LUC7L2: variants seen among roughly 807,000 people sequenced by gnomAD.
LUC7L2 encodes putative RNA-binding protein Luc7-like 2.
LUC7L2 carries 25 observed loss-of-function variants against 52.8 expected under a neutral mutation model. That is an observed-to-expected ratio of 0.47 (90% CI 0.34 to 0.66). The LOEUF (loss-of-function observed/expected upper bound fraction) is 0.66, where lower values mean the gene tolerates loss of function less well. LUC7L2 is among the 30% of genes least tolerant of loss of function. The pLI, the probability that LUC7L2 is intolerant of heterozygous loss-of-function variation, is 0.01. For missense variants in LUC7L2, 328 were observed against 497.8 expected, an observed-to-expected ratio of 0.66 and a Z score of 3.25; for synonymous variants, 144 against 160.9, an observed-to-expected ratio of 0.89 and a Z score of 0.80.
At chr7:139,367,046 G>A (rs1800193727) in intron 1 of LUC7L2, among the ~76,000 whole-genome samples, 1 of 152,042 alleles carries the variant, frequency 6.6e-6, no homozygotes, top group African/African-American at 2.4e-5. Context: ...GCCTGATCTT[G>A]GCTCACTGCA....
At position 139,410,133 on chromosome 7, in the gene LUC7L2, G is replaced by C. The variant is rs571712211; in HGVS notation, c.779+479G>C. 1.4e-3 allele frequency among the ~76,000 whole-genome samples: 206 copies of C among 152,098 alleles called. 1 individual carries two copies. Among genetic ancestry groups the C allele is most frequent in the African/African-American group, 4.8e-3 (199 of 41,518 alleles). On this transcript the variant is annotated intron_variant, in intron 7 of 9. Coordinates refer to ENST00000354926, the MANE Select transcript of LUC7L2 (RefSeq NM_016019.5). ...GAGGCAGGAGAATGGCGTGAACCTGGGGGGGCAGAGCCTGCAGTGAGCTGA... is the reference window on the plus strand; with the variant it reads ...GAGGCAGGAGAATGGCGTGAACCTGCGGGGGCAGAGCCTGCAGTGAGCTGA...
chr7:139,422,413 C>A lies in LUC7L2; in HGVS notation c.*73C>A. ...TACTATTGTTTAGTTCACAGCTGTT[C>A]AGGGTGACAGTGAGCAGATCCAGAC... On this transcript the variant is annotated 3_prime_UTR_variant, in exon 10 of 10. Coordinates refer to ENST00000354926, the MANE Select transcript of LUC7L2 (RefSeq NM_016019.5). The A allele has an allele frequency of 6.6e-7, 1 of 1,521,302 alleles. No individual in the cohort carries two copies. The highest frequency in any genetic ancestry group is 1.3e-5 in the South Asian group (1 of 74,380). The allele number at this position is 1,521,302 out of a possible 1,614,324, so 94.2% of individuals were successfully genotyped here.
rs568767713 is a variant in LUC7L2 at position 139,350,837 on chromosome 7, T to C, written c.-26+10320T>C. 1.2e-4 allele frequency among the ~76,000 whole-genome samples: 18 copies of C among 152,028 alleles called. No homozygotes were observed. In the South Asian group the frequency reaches 1.7e-3, roughly 14 times the overall value. ...ATTAACAGGCGCCCGCCACAACGCC[T>C]GGCTAATTTTGTATTTTTAGTAGAG... On this transcript the variant is annotated intron_variant, in intron 1 of 10. Coordinates refer to the LUC7L2 transcript ENST00000541170.
chr7:139,375,905 T>C (rs1440877518), intron 1 of LUC7L2, 157 bp from the exon 2 acceptor site: 9 of 676,704 alleles, frequency 1.3e-5, no homozygotes, highest in Non-Finnish European at 1.9e-5. Flanking sequence ...TTGTCTAAAA[T>C]AGTTTTTCTA....
intron 2 of LUC7L2, among the ~76,000 whole-genome samples, chr7:139,389,031 C>T (rs1794317662): frequency 6.7e-6 from 1 of 150,124 alleles, no homozygotes; most frequent in African/African-American, 2.5e-5. Flanking sequence ...ATTCCAGAGA[C>T]ACTTCACATT....
At position 139,359,928 on chromosome 7, in the gene LUC7L2, T is replaced by C. The variant is rs954631946; in HGVS notation, c.-334T>C. ...GTGGCGACGGTGGCGGCGAGCGGCG[T>C]CAGAGCTTGAGGGGGGGTTGACGGC... On this transcript the variant is annotated 5_prime_UTR_variant, in exon 1 of 10. Coordinates refer to ENST00000354926, the MANE Select transcript of LUC7L2 (RefSeq NM_016019.5). The C allele has an allele frequency of 2.4e-6, 1 of 413,480 alleles. No individual in the cohort carries two copies. The highest frequency in any genetic ancestry group is 7.5e-5 in the South Asian group (1 of 13,390). The allele number at this position is 413,480 out of a possible 1,614,324, so 25.6% of individuals were successfully genotyped here.
chr7:139,398,557 A>C (rs1794760828), intron 2 of LUC7L2, 42 bp from the exon 3 acceptor site: 2 of 1,535,780 alleles, frequency 1.3e-6, no homozygotes, highest in South Asian at 1.3e-5. Context: ...TTTTTTAAAA[A>C]ACTTTTTTTT....
intron 8 of LUC7L2, chr7:139,416,601 A>G (rs538980011): frequency 9.3e-4 from 142 of 152,400 alleles, no homozygotes; most frequent in Non-Finnish European, 1.8e-3. Flanking sequence ...TGGTGTGAAC[A>G]CAGCTCCCTG....
chr7:139,374,899 GTGAT>G, intron 1 of LUC7L2: 1 of 993,130 alleles, frequency 1.0e-6, no homozygotes, highest in South Asian at 4.5e-5. Flanking sequence ...CAGAAACTAA[GTGAT>G]TGAATCACAT....
At chr7:139,379,690 C>G (rs1391901257) in intron 2 of LUC7L2, among the ~76,000 whole-genome samples, 4 of 149,112 alleles carry the variant, frequency 2.7e-5, no homozygotes, top group Non-Finnish European at 5.9e-5. Context: ...CTCAGCCTCC[C>G]GAGTAGCTGG....
At chr7:139,420,751 G>C (rs2116355449) in intron 9 of LUC7L2, among the ~76,000 whole-genome samples, 2 of 152,174 alleles carry the variant, frequency 1.3e-5, no homozygotes, top group Non-Finnish European at 2.9e-5. Flanking sequence ...TCCAACAAAG[G>C]CTATGGATAG....
At chr7:139,341,593 G>A in intron 1 of LUC7L2, 1 of 1,562,650 alleles carries the variant, frequency 6.4e-7, no homozygotes, top group Non-Finnish European at 8.7e-7. Flanking sequence ...GCTAGGGTGG[G>A]GAGCACGGTG....
chr7:139,374,235 T>G (rs537895198), intron 1 of LUC7L2, among the ~76,000 whole-genome samples: 1 of 152,328 alleles, frequency 6.6e-6, no homozygotes, highest in South Asian at 2.1e-4. Flanking sequence ...GTTATACTTG[T>G]TAAGTCAGTA....
At chr7:139,412,903 A>AT (rs1162549857) in intron 8 of LUC7L2, 1 of 163,364 alleles carries the variant, frequency 6.1e-6, no homozygotes, top group Non-Finnish European at 1.3e-5. Flanking sequence ...AAAAGGATTA[A>AT]TTTTTTAAAA....
chr7:139,356,547 C>T (rs1270568218), upstream of LUC7L2, among the ~76,000 whole-genome samples: 8 of 150,668 alleles, frequency 5.3e-5, no homozygotes, highest in African/African-American at 1.5e-4. Context: ...TTTGGGAGGC[C>T]GAGGCAGGTG....
At chr7:139,367,813 C>T (rs1169156300) in intron 1 of LUC7L2, among the ~76,000 whole-genome samples, 6 of 152,144 alleles carry the variant, frequency 3.9e-5, no homozygotes, top group Admixed American at 1.3e-4. Flanking sequence ...CTCACCTCTC[C>T]GTTAGTGCTT....
upstream of LUC7L2, among the ~76,000 whole-genome samples, chr7:139,356,378 A>G (rs2131165296): frequency 6.6e-6 from 1 of 151,716 alleles, no homozygotes; most frequent in Non-Finnish European, 1.5e-5. Flanking sequence ...TAATAAAAAT[A>G]TCCATTTAGA....
chr7:139,409,301 TAAAAA>T (rs1001072650), intron 6 of LUC7L2, among the ~76,000 whole-genome samples: 2 of 127,754 alleles, frequency 1.6e-5, no homozygotes, highest in African/African-American at 2.9e-5. Flanking sequence ...TGTTTTCACT[TAAAAA>T]AAAAAACAAA....
chr7:139,380,782 C>T (rs76972752), intron 2 of LUC7L2, among the ~76,000 whole-genome samples: 1,588 of 152,086 alleles, frequency 0.01, 31 homozygotes, highest in African/African-American at 0.037. Context: ...TCATTTTTTT[C>T]CTCAACACAT....
Sources: gnomAD v4.1 joint callset for allele counts (sites outside exome capture counted in the v4.1 genomes callset) on GRCh38, gnomAD v4.1.1 for gene constraint, MANE v1.5 for transcripts, NCBI Gene and HGNC (gene_info 2026-07-23, HGNC 2026-07-21) for gene names.